The following ADAMTSL3 variants were observed in gnomAD, a reference collection of about 807,000 sequenced individuals.
ADAMTSL3 encodes the protein ADAMTS-like protein 3.
ADAMTSL3 carries 128 observed loss-of-function variants against 201.7 expected under a neutral mutation model. The ratio of observed to expected loss-of-function variants is 0.63; its 90% CI spans 0.55 to 0.73. The LOEUF (loss-of-function observed/expected upper bound fraction) is 0.73, where lower values mean the gene tolerates loss of function less well. ADAMTSL3 is among the 30% of genes least tolerant of loss of function. ADAMTSL3 has a pLI of 0.00. For missense variants in ADAMTSL3, 1,990 were observed against 2,119.6 expected (o/e 0.94, Z 1.20); for synonymous variants, 738 against 748.4 (o/e 0.99, Z 0.23).
intron 4 of ADAMTSL3, among the ~76,000 whole-genome samples, chr15:83,780,419 A>AC (rs1486295482): frequency 6.6e-6 from 1 of 150,978 alleles, no homozygotes; most frequent in East Asian, 2.0e-4. Context: ...AAAAAAAAAA[A>AC]AAAACAAACT....
intron 13 of ADAMTSL3, among the ~76,000 whole-genome samples, chr15:83,896,429 A>G (rs781705715): frequency 6.6e-6 from 1 of 152,246 alleles, no homozygotes; most frequent in Non-Finnish European, 1.5e-5. Flanking sequence ...ATAAGAAATT[A>G]CAAATTTTAG....
chr15:83,969,009 G>C (rs929581953), intron 19 of ADAMTSL3, among the ~76,000 whole-genome samples: 17 of 152,110 alleles, frequency 1.1e-4, no homozygotes, highest in Non-Finnish European at 1.6e-4. Flanking sequence ...GTCAGGGGGT[G>C]GGGGGCTAGG....
In ADAMTSL3 at chr15:83,983,088, G is replaced by A. The variant is rs776581945; in HGVS notation, c.3460G>A (p.Glu1154Lys). ...ETPPAAQLRGETGSVSQSSHA... is the reference protein window; with the variant it reads ...ETPPAAQLRGKTGSVSQSSHA... ...ACCTCCTGCTGCTCAGCTCAGAGGGGAAACAGGGAGTGTGTCCCAAAGCTC... is the reference window on the plus strand; with the variant it reads ...ACCTCCTGCTGCTCAGCTCAGAGGGAAAACAGGGAGTGTGTCCCAAAGCTC... Residue 1154 changes from glutamate to lysine, a missense_variant, in exon 21 of 30, where the codon GAA becomes AAA. Coordinates refer to ENST00000286744, the MANE Select transcript of ADAMTSL3 (RefSeq NM_207517.3). The A allele has an allele frequency of 1.2e-6, 2 of 1,614,160 alleles. No individual in the cohort carries two copies. Among genetic ancestry groups the A allele is most frequent in the Admixed American group, 1.7e-5 (1 of 60,024 alleles).
chr15:83,946,142 T>G (rs1339268806), intron 19 of ADAMTSL3, among the ~76,000 whole-genome samples: 4 of 152,210 alleles, frequency 2.6e-5, no homozygotes, highest in Admixed American at 2.0e-4. Flanking sequence ...CCTTGCTTCT[T>G]TCCTCTAAGA....
chr15:83,841,601 G>A (rs1262108294), intron 7 of ADAMTSL3, among the ~76,000 whole-genome samples: 1 of 151,958 alleles, frequency 6.6e-6, no homozygotes, highest in Non-Finnish European at 1.5e-5. Flanking sequence ...AATGCTAGCT[G>A]CATTTTTGTT....
chr15:83,917,421 A>ATGTT (rs2066054096), intron 16 of ADAMTSL3, among the ~76,000 whole-genome samples: 1 of 43,242 alleles, frequency 2.3e-5, no homozygotes, highest in African/African-American at 1.8e-4. Context: ...AAGTGTGTGT[A>ATGTT]TGTATGTATG....
intron 28 of ADAMTSL3, among the ~76,000 whole-genome samples, chr15:84,033,520 A>G (rs1311692747): frequency 2.0e-5 from 3 of 152,134 alleles, no homozygotes; most frequent in African/African-American, 4.8e-5. Context: ...TTAGCTGGGC[A>G]TGGTTGCACA....
At chr15:84,026,832 T>A (rs1490372921) in intron 27 of ADAMTSL3, among the ~76,000 whole-genome samples, 1 of 151,350 alleles carries the variant, frequency 6.6e-6, no homozygotes, top group East Asian at 2.1e-4. Flanking sequence ...TGGAAAAAAA[T>A]ATAGGTGTAA....
intron 16 of ADAMTSL3, 139 bp downstream of exon 16, chr15:83,913,517 C>A: frequency 1.1e-6 from 1 of 890,140 alleles, no homozygotes. Flanking sequence ...GAAAATGATA[C>A]TTTTTCTTCT....
chr15:83,847,562 C>T (rs1305410710), intron 7 of ADAMTSL3, among the ~76,000 whole-genome samples: 1 of 149,030 alleles, frequency 6.7e-6, no homozygotes, highest in Non-Finnish European at 1.5e-5. Context: ...ATGGTGCAAT[C>T]TCAGTTCACT....
chr15:83,780,444 G>A (rs1246738113), intron 4 of ADAMTSL3, among the ~76,000 whole-genome samples: 1 of 151,160 alleles, frequency 6.6e-6, no homozygotes, highest in Non-Finnish European at 1.5e-5. Flanking sequence ...AATAAAGTAG[G>A]TATTCAAGGA....
intron 6 of ADAMTSL3, among the ~76,000 whole-genome samples, chr15:83,830,336 G>C (rs534578872): frequency 6.6e-6 from 1 of 152,350 alleles, no homozygotes; most frequent in East Asian, 1.9e-4. Context: ...CTCAAGTACA[G>C]AGTCCTGGTG....
At chr15:83,920,340 G>A (rs560229725) in intron 16 of ADAMTSL3, among the ~76,000 whole-genome samples, 1 of 152,216 alleles carries the variant, frequency 6.6e-6, no homozygotes, top group Admixed American at 6.5e-5. Context: ...GGTCACTTCC[G>A]CTCAGGCTCC....
intron 9 of ADAMTSL3, among the ~76,000 whole-genome samples, chr15:83,880,518 G>A (rs2065249926): frequency 6.6e-6 from 1 of 152,108 alleles, no homozygotes; most frequent in Non-Finnish European, 1.5e-5. Flanking sequence ...TTTACTATCT[G>A]GCTCTTTATA....
intron 2 of ADAMTSL3, among the ~76,000 whole-genome samples, chr15:83,704,162 T>C (rs1221145260): frequency 1.3e-5 from 2 of 152,078 alleles, no homozygotes; most frequent in Admixed American, 6.6e-5. Flanking sequence ...AGAGAATAAA[T>C]GCCATGGCTG....
rs898595436 is a variant in ADAMTSL3, at chr15:83,736,303, G to A, written c.189+31795G>A. ...CATGTCAAAGAAAATAAAATATTAG[G>A]CATTTTTAAGAATTTAAGACAAGAC... is the stretch of plus-strand genomic sequence containing the variant. On this transcript the variant is annotated intron_variant, in intron 3 of 29. Coordinates refer to ENST00000286744, the MANE Select transcript of ADAMTSL3 (RefSeq NM_207517.3). Among the ~76,000 whole-genome samples the A allele has an allele frequency of 2.6e-5, 4 of 152,068 alleles. No individual in the cohort carries two copies. In the South Asian group the frequency reaches 8.3e-4, roughly 32 times the overall value.
chr15:83,767,017 C>T (rs1016028222), intron 3 of ADAMTSL3, among the ~76,000 whole-genome samples: 10 of 152,134 alleles, frequency 6.6e-5, no homozygotes, highest in African/African-American at 1.7e-4. Flanking sequence ...TCGCTTGAAC[C>T]GGGGAGGCAG....
intron 3 of ADAMTSL3, among the ~76,000 whole-genome samples, chr15:83,726,609 A>G (rs1233356071): frequency 5.9e-5 from 9 of 152,098 alleles, no homozygotes; most frequent in African/African-American, 2.4e-5. Context: ...TCATGAAGGA[A>G]TGTTGAATTT....
intron 3 of ADAMTSL3, among the ~76,000 whole-genome samples, chr15:83,734,410 A>C (rs532268889): frequency 2.0e-5 from 3 of 152,224 alleles, no homozygotes; most frequent in African/African-American, 7.2e-5. Context: ...TTTTGTTTTA[A>C]ATTTTCATCC....
Sources: allele counts gnomAD v4.1 joint callset (sites outside exome capture counted in the v4.1 genomes callset), GRCh38; gene constraint gnomAD v4.1.1; transcripts MANE v1.5; gene names NCBI Gene and HGNC (gene_info 2026-07-23, HGNC 2026-07-21).